The following TERB2 variants were observed in gnomAD, a reference collection of about 807,000 sequenced individuals.
TERB2 encodes the protein telomere repeat binding bouquet formation protein 2.
In TERB2, 26 loss-of-function variants were observed where a neutral mutation model predicts 29.8. The ratio of observed to expected loss-of-function variants is 0.87; its 90% CI spans 0.64 to 1.21. The LOEUF is 1.21. TERB2 is among the 50% of genes most tolerant of loss of function. The pLI is 0.00. For synonymous variants in TERB2, 80 were observed against 90.8 expected (o/e 0.88, Z 0.68); for missense variants, 240 against 268.6 (o/e 0.89, Z 0.74).
Position 44,978,572 on chromosome 15 carries a change from C to T in TERB2, c.607C>T (p.His203Tyr), listed in dbSNP as rs773832455. ...TGGAACCTCAGGATATTTGGCATAT[C>T]ATGTTCAAAATGAAATTAATATGTC... is the stretch of plus-strand genomic sequence containing the variant. ...IPGTSGYLAY[H>Y]VQNEINMSAI... The change falls in exon 7 of 7, where the codon CAT becomes TAT. Residue 203 changes from histidine to tyrosine, a missense_variant. By Grantham distance (83) the His-to-Tyr change is moderately conservative. Transcript: ENST00000340827. The T allele has an allele frequency of 1.2e-6, 2 of 1,608,622 alleles. No individual in the cohort carries two copies. Among genetic ancestry groups the T allele is most frequent in the South Asian group, 2.2e-5 (2 of 89,784 alleles).
At chr15:44,971,580 C>A (rs1361143162) in intron 5 of TERB2, among the ~76,000 whole-genome samples, 1 of 151,972 alleles carries the variant, frequency 6.6e-6, no homozygotes, top group African/African-American at 2.4e-5. Context: ...ACAGTTAAAC[C>A]CCGTGTCTAC....
chr15:44,969,628 A>T (rs1386321445), intron 5 of TERB2, among the ~76,000 whole-genome samples: 1 of 150,996 alleles, frequency 6.6e-6, no homozygotes, highest in Non-Finnish European at 1.5e-5. Flanking sequence ...GTCACTACAA[A>T]AGATAAAAAA....
chr15:44,978,725 GAAATGGGAAATAATTT>G lies in TERB2; in HGVS notation c.*98_*113del. ...CTCCCTTTTGGTACTGGGGGATAGT[GAAATGGGAAATAATTT>G]TTCTGTTTCTCAAAGTATATCTTTA... is the stretch of plus-strand genomic sequence containing the variant. On this transcript the variant is annotated 3_prime_UTR_variant, in exon 7 of 7. Transcript: ENST00000340827. 1.5e-6 allele frequency: 2 copies of G among 1,291,614 alleles called. No individual in the cohort carries two copies. Among genetic ancestry groups the G allele is most frequent in the Non-Finnish European group, 2.0e-6 (2 of 998,282 alleles). The allele number at this position is 1,291,614 out of a possible 1,614,324, so 80.0% of individuals were successfully genotyped here.
intron 6 of TERB2, among the ~76,000 whole-genome samples, chr15:44,974,903 A>C: frequency 6.6e-6 from 1 of 152,116 alleles, no homozygotes; most frequent in Non-Finnish European, 1.5e-5. Flanking sequence ...TGGACTTACC[A>C]AACATTTATT....
intron 2 of TERB2, among the ~76,000 whole-genome samples, chr15:44,958,023 C>T (rs763329346): frequency 1.3e-5 from 2 of 152,216 alleles, no homozygotes; most frequent in African/African-American, 2.4e-5. Flanking sequence ...ATGCACACTC[C>T]TCACCTCAGG....
At chr15:44,970,304 A>G (rs1468656987) in intron 5 of TERB2, 2 of 258,070 alleles carry the variant, frequency 7.7e-6, no homozygotes, top group Non-Finnish European at 1.6e-5. Flanking sequence ...ATGTAGTATA[A>G]AAAAGAACTT....
At chr15:44,978,348 T>C (rs1892074801) in intron 6 of TERB2, 141 bp from the exon 7 acceptor site, 1 of 1,230,044 alleles carries the variant, frequency 8.1e-7, no homozygotes. Context: ...GAGAATCTTC[T>C]CACTGGTATT....
At chr15:44,974,345 C>T (rs189494463) in intron 6 of TERB2, among the ~76,000 whole-genome samples, 1 of 152,264 alleles carries the variant, frequency 6.6e-6, no homozygotes, top group African/African-American at 2.4e-5. Flanking sequence ...CCTTAGCATA[C>T]ACACATAGAA....
chr15:44,971,615 TGTG>T (rs1891969043), intron 5 of TERB2, among the ~76,000 whole-genome samples: 1 of 151,736 alleles, frequency 6.6e-6, no homozygotes, highest in African/African-American at 2.4e-5. Context: ...ATTAGCCAGG[TGTG>T]GTGGCGGGTG....
intron 5 of TERB2, among the ~76,000 whole-genome samples, chr15:44,968,791 T>C (rs1891926013): frequency 6.6e-6 from 1 of 152,022 alleles, no homozygotes; most frequent in African/African-American, 2.4e-5. Flanking sequence ...TTTATGACAC[T>C]TCCATGAACA....
chr15:44,957,020 C>T (rs1469697395), intron 2 of TERB2, 43 bp downstream of exon 2: 1 of 1,569,372 alleles, frequency 6.4e-7, no homozygotes, highest in South Asian at 1.1e-5. Flanking sequence ...TTAGGATGAG[C>T]CGGGAGTTAG....
intron 2 of TERB2, among the ~76,000 whole-genome samples, chr15:44,957,451 G>T (rs996847868): frequency 6.6e-6 from 1 of 152,030 alleles, no homozygotes; most frequent in African/African-American, 2.4e-5. Flanking sequence ...CGCATGTAGC[G>T]CCTTGAAGGC....
chr15:44,968,406 A>G (rs1891919685), intron 5 of TERB2, among the ~76,000 whole-genome samples: 1 of 151,876 alleles, frequency 6.6e-6, no homozygotes, highest in African/African-American at 2.4e-5. Flanking sequence ...TTTTTAGTAG[A>G]GACGGGGTTT....
chr15:44,968,922 CTTAG>C lies in TERB2; in HGVS notation c.434+2682_434+2685del, dbSNP rs964519701. ...CTTTCTTAAACACCTTATTTATTTACTTAGTTTGTGTGTGTGAGAGAGAGAGAGA... is the reference window on the plus strand; with the variant it reads ...CTTTCTTAAACACCTTATTTATTTACTTTGTGTGTGTGAGAGAGAGAGAGA... On this transcript the variant is annotated intron_variant, in intron 5 of 6. Coordinates refer to ENST00000340827, the MANE Select transcript of TERB2 (RefSeq NM_152448.3). Among the ~76,000 whole-genome samples, 118 of 151,402 alleles carry C rather than the reference CTTAG, an allele frequency of 7.8e-4. 1 individual carries two copies. Among genetic ancestry groups the C allele is most frequent in the South Asian group, 4.2e-4 (2 of 4,792 alleles).
intron 1 of TERB2, 55 bp from the exon 2 acceptor site, chr15:44,956,841 G>A (rs766937401): frequency 2.5e-6 from 4 of 1,610,644 alleles, no homozygotes; most frequent in African/African-American, 2.7e-5. Flanking sequence ...TCCTCTCTCT[G>A]ATGCTTTGGG....
chr15:44,965,516 T>A (rs1370997650), intron 4 of TERB2, among the ~76,000 whole-genome samples: 1 of 144,084 alleles, frequency 6.9e-6, no homozygotes, highest in African/African-American at 2.5e-5. Flanking sequence ...TTTATATAGA[T>A]ATATATAATT....
At chr15:44,974,676 T>A (rs1195641876) in intron 6 of TERB2, among the ~76,000 whole-genome samples, 1 of 152,226 alleles carries the variant, frequency 6.6e-6, no homozygotes, top group African/African-American at 2.4e-5. Flanking sequence ...TAGTATTCAG[T>A]GGAGTCACTG....
rs1369423945 is a variant in TERB2 at position 44,973,966 on chromosome 15, A to G, written c.523+11A>G. 1.3e-6 allele frequency: 2 copies of G among 1,549,752 alleles called. No individual in the cohort carries two copies. Among genetic ancestry groups the G allele is most frequent in the Non-Finnish European group, 1.7e-6 (2 of 1,144,890 alleles). ...ACAACATGGTAACAGGTAGTTTAAA[A>G]TAAAATTTAGAGTAAACTCAGGTAG... On this transcript the variant is annotated intron_variant, in intron 6 of 6. Coordinates refer to ENST00000340827, the MANE Select transcript of TERB2 (RefSeq NM_152448.3).
chr15:44,972,349 A>G (rs540590742), intron 5 of TERB2, among the ~76,000 whole-genome samples: 3 of 152,194 alleles, frequency 2.0e-5, no homozygotes, highest in Non-Finnish European at 2.9e-5. Context: ...TTTTTAGGAA[A>G]ATAATAAATT....
Sources: gnomAD v4.1 joint callset for allele counts (sites outside exome capture counted in the v4.1 genomes callset) on GRCh38, gnomAD v4.1.1 for gene constraint, MANE v1.5 for transcripts, NCBI Gene and HGNC (gene_info 2026-07-23, HGNC 2026-07-21) for gene names.